Variants in SPINK2 observed in about 807,000 individuals in gnomAD.
SPINK2 encodes the protein serine peptidase inhibitor Kazal type 2.
A neutral mutation model predicts 13.5 loss-of-function variants in SPINK2; 8 were observed. The observed-to-expected ratio is 0.59, with a 90% CI of 0.35 to 1.07. The LOEUF is 1.07. SPINK2 is among the 50% of genes least tolerant of loss of function. The pLI is 0.02. For synonymous variants in SPINK2, 76 were observed against 74.7 expected (o/e 1.02, Z -0.09); for missense variants, 148 against 180.3 (o/e 0.82, Z 1.03).
intron 2 of SPINK2, among the ~76,000 whole-genome samples, chr4:56,817,589 G>C (rs965807132): frequency 1.3e-5 from 2 of 152,006 alleles, no homozygotes; most frequent in African/African-American, 4.8e-5. Context: ...GGTGGTTCAC[G>C]CTTGTAATCC....
At chr4:56,814,211 C>T (rs186483215) in intron 2 of SPINK2, among the ~76,000 whole-genome samples, 24 of 152,006 alleles carry the variant, frequency 1.6e-4, no homozygotes, top group Admixed American at 1.4e-3. Flanking sequence ...CATGAGCCGC[C>T]GCACCCTGCC....
Position 56,811,639 on chromosome 4 carries a change from G to T in SPINK2, c.359+46C>A, listed in dbSNP as rs367698718. On this transcript the variant is annotated intron_variant, in intron 3 of 3. Coordinates refer to ENST00000506738, the MANE Select transcript of SPINK2 (RefSeq NM_001271718.2). ...CAAAAAAAAAAAGAAGAAAAAAAAA[G>T]AAATGAAGAAAACTTGGCTAGTCTA... 455 of 1,226,344 alleles carry T rather than the reference G, an allele frequency of 3.7e-4. 8 individuals are homozygous for T. The South Asian group carries it at 5.2e-3, about 14-fold the overall frequency. 76.0% of individuals were successfully genotyped at this position (1,226,344 alleles called of 1,614,324 possible). A position where few individuals can be genotyped will look rare whatever the true frequency, so the allele number is the denominator to read the frequency against.
chr4:56,816,745 G>A (rs917396908), intron 2 of SPINK2: 2 of 149,948 alleles, frequency 1.3e-5, no homozygotes, highest in African/African-American at 4.9e-5. Flanking sequence ...TGGGCATGGT[G>A]GCGGGAACCT....
chr4:56,820,351 T>C (rs1578439552), intron 2 of SPINK2, among the ~76,000 whole-genome samples, 185 bp downstream of exon 2: 1 of 152,232 alleles, frequency 6.6e-6, no homozygotes, highest in South Asian at 2.1e-4. Context: ...ACACAAAGAC[T>C]GAGCTGTTTT....
At chr4:56,812,820 A>C (rs1259159855) in intron 2 of SPINK2, among the ~76,000 whole-genome samples, 3 of 152,186 alleles carry the variant, frequency 2.0e-5, no homozygotes, top group Non-Finnish European at 4.4e-5. Context: ...AACATTAAAG[A>C]AAGCAGGAAA....
At chr4:56,812,477 C>A (rs1019816437) in intron 2 of SPINK2, among the ~76,000 whole-genome samples, 5 of 148,092 alleles carry the variant, frequency 3.4e-5, no homozygotes, top group Admixed American at 6.9e-5. Flanking sequence ...ATCGAATGAA[C>A]CTGGGAGGCA....
At chr4:56,821,715 G>C (rs913388287), upstream of SPINK2, 24 of 1,402,458 alleles carry the variant, frequency 1.7e-5, no homozygotes, top group Non-Finnish European at 2.1e-5. Context: ...TGCGCCACTC[G>C]CAGGGAGCGC....
intron 2 of SPINK2, among the ~76,000 whole-genome samples, chr4:56,813,002 T>C (rs1717124112): frequency 6.6e-6 from 1 of 152,160 alleles, no homozygotes; most frequent in African/African-American, 2.4e-5. Context: ...CCACTGCACA[T>C]TTATTATTCC....
chr4:56,819,181 T>C (rs1172175341), intron 2 of SPINK2, among the ~76,000 whole-genome samples: 1 of 152,210 alleles, frequency 6.6e-6, no homozygotes, highest in East Asian at 1.9e-4. Flanking sequence ...TTTATTATTA[T>C]GATGGTGATG....
chr4:56,817,132 G>A (rs1487928381), intron 2 of SPINK2, among the ~76,000 whole-genome samples: 1 of 152,058 alleles, frequency 6.6e-6, no homozygotes, highest in African/African-American at 2.4e-5. Context: ...AACCCAGGAG[G>A]CAGAGGTTGC....
chr4:56,816,890 T>C (rs1020124564), intron 2 of SPINK2, among the ~76,000 whole-genome samples: 1 of 146,800 alleles, frequency 6.8e-6, no homozygotes, highest in East Asian at 2.0e-4. Context: ...AAAAAAAAAA[T>C]AAAATAAAAT....
Position 56,819,283 on chromosome 4 carries a change from A to G in SPINK2, c.249+1253T>C, listed in dbSNP as rs545091184. On this transcript the variant is annotated intron_variant, in intron 2 of 3. Transcript: ENST00000506738. ...GAATCGCGTGGGAAGGCTTCCTGGA[A>G]GAAGCCTACTCTGAGCTGAATGCTC... Among the ~76,000 whole-genome samples the G allele has an allele frequency of 2.7e-3, 416 of 152,338 alleles. 2 individuals are homozygous for G. Among genetic ancestry groups the G allele is most frequent in the African/African-American group, 9.6e-3 (401 of 41,582 alleles).
Position 56,821,688 on chromosome 4 carries a change from C to G in SPINK2, c.-26G>C, listed in dbSNP as rs1717962747. On this transcript the variant is annotated 5_prime_UTR_variant, in exon 1 of 4. Transcript: ENST00000506738. ...CCTCCTCCCGCGCCGGCTGTCTTGC[C>G]CCTGCGGTCTGTTACCTGCGCCACT... 1.3e-6 allele frequency: 2 copies of G among 1,488,030 alleles called. No individual in the cohort carries two copies. Among genetic ancestry groups the G allele is most frequent in the Non-Finnish European group, 1.8e-6 (2 of 1,124,394 alleles). The allele number at this position is 1,488,030 out of a possible 1,614,324, so 92.2% of individuals were successfully genotyped here.
chr4:56,816,547 G>C (rs996994480), intron 2 of SPINK2, among the ~76,000 whole-genome samples: 1 of 151,874 alleles, frequency 6.6e-6, no homozygotes, highest in African/African-American at 2.4e-5. Context: ...AACTACTCGG[G>C]AGGCTGAGGC....
At position 56,810,321 on chromosome 4, in the gene SPINK2, A is replaced by C. The variant is rs532772054; in HGVS notation, c.360-137T>G. 101 of 781,860 alleles carry C rather than the reference A, an allele frequency of 1.3e-4. 2 individuals carry two copies. In the South Asian group the frequency reaches 2.0e-3, roughly 15 times the overall value. 48.4% of individuals were successfully genotyped at this position (781,860 alleles called of 1,614,324 possible). ...AGCTACACTTATTTAATCATTTTTT[A>C]AGCTAAATCTAGGAAACAAAGAGGG... On this transcript the variant is annotated intron_variant, in intron 3 of 3. Transcript: ENST00000506738.
intron 2 of SPINK2, among the ~76,000 whole-genome samples, chr4:56,814,359 C>T (rs1717252971): frequency 6.6e-6 from 1 of 151,968 alleles, no homozygotes; most frequent in Admixed American, 6.6e-5. Flanking sequence ...GACCGCTGCT[C>T]TAAAGCTTTT....
chr4:56,821,735 G>A (rs886235668), upstream of SPINK2: 6 of 1,370,312 alleles, frequency 4.4e-6, no homozygotes, highest in South Asian at 3.2e-5. Context: ...CTCGTGCGAC[G>A]GGGCGCGGGG....
At position 56,818,823 on chromosome 4, in the gene SPINK2, A is replaced by G. The variant is rs75242025; in HGVS notation, c.249+1713T>C. 2.4e-3 allele frequency among the ~76,000 whole-genome samples: 359 copies of G among 152,332 alleles called. 9 individuals are homozygous for G. In the East Asian group the frequency reaches 0.065, roughly 28 times the overall value. Reference sequence around the variant, plus strand: ...CATTTTCTAAAAGAAAATCAAACCCAAGCAAACTGAATCACTGACTAAAAG... The same window carrying G: ...CATTTTCTAAAAGAAAATCAAACCCGAGCAAACTGAATCACTGACTAAAAG... On this transcript the variant is annotated intron_variant, in intron 2 of 3. Coordinates refer to ENST00000506738, the MANE Select transcript of SPINK2 (RefSeq NM_001271718.2).
chr4:56,821,323 A>C (rs1373003210), intron 1 of SPINK2, 135 bp downstream of exon 1: 2 of 1,394,504 alleles, frequency 1.4e-6, no homozygotes, highest in Non-Finnish European at 1.9e-6. Context: ...TGGGCACCTG[A>C]AAATCTACTT....
Sources: allele counts gnomAD v4.1 joint callset (sites outside exome capture counted in the v4.1 genomes callset), GRCh38; gene constraint gnomAD v4.1.1; transcripts MANE v1.5; gene names NCBI Gene and HGNC (gene_info 2026-07-23, HGNC 2026-07-21).